Variants in RIBC2 observed in about 807,000 individuals in gnomAD.
The protein encoded by RIBC2 is RIB43A domain with coiled-coils 2, also known as RIB43A-like with coiled-coils protein 2.
In RIBC2, 40 loss-of-function variants were observed where a neutral mutation model predicts 44.3. That is an observed-to-expected ratio of 0.90 (90% CI 0.70 to 1.18). The LOEUF is 1.18. RIBC2 is among the 50% of genes most tolerant of loss of function. The pLI, the probability that RIBC2 is intolerant of heterozygous loss-of-function variation, is 0.00. For missense variants in RIBC2, 459 were observed against 485.5 expected (o/e 0.95, Z 0.51); for synonymous variants, 171 against 175.0 (o/e 0.98, Z 0.18).
intron 3 of RIBC2, among the ~76,000 whole-genome samples, chr22:45,421,520 A>T (rs540162225): frequency 3.4e-4 from 13 of 37,698 alleles, no homozygotes; most frequent in African/African-American, 8.7e-4. Flanking sequence ...ATTATTAATA[A>T]TAATAATAGT....
chr22:45,424,512 T>C (rs1415852608), intron 4 of RIBC2, among the ~76,000 whole-genome samples: 2 of 152,238 alleles, frequency 1.3e-5, no homozygotes, highest in East Asian at 1.9e-4. Context: ...TAACCCTTGC[T>C]GGGATAAGAA....
At chr22:45,431,489 CAAG>C (rs769645525) in intron 6 of RIBC2, among the ~76,000 whole-genome samples, 5 of 152,326 alleles carry the variant, frequency 3.3e-5, no homozygotes, top group African/African-American at 9.6e-5. Flanking sequence ...GCTCCAGCTA[CAAG>C]AAGATGTCAA....
chr22:45,425,476 C>T (rs1248710719), intron 4 of RIBC2, among the ~76,000 whole-genome samples: 2 of 152,188 alleles, frequency 1.3e-5, no homozygotes, highest in African/African-American at 4.8e-5. Flanking sequence ...GAAATGAGAC[C>T]TGGAATTACT....
intron 4 of RIBC2, among the ~76,000 whole-genome samples, chr22:45,423,267 GC>G (rs57537499): frequency 0.11 from 16,690 of 151,988 alleles, 949 homozygotes; most frequent in South Asian, 0.19. Flanking sequence ...ACCACATCTG[GC>G]CCTCTTTTCG....
chr22:45,419,947 A>AC (rs928005370), intron 3 of RIBC2, among the ~76,000 whole-genome samples: 32 of 152,142 alleles, frequency 2.1e-4, no homozygotes, highest in African/African-American at 7.7e-4. Flanking sequence ...AATGGCGTGA[A>AC]CCCGGGAGGC....
chr22:45,418,935 C>T (rs1358488938), intron 3 of RIBC2, among the ~76,000 whole-genome samples: 3 of 152,186 alleles, frequency 2.0e-5, no homozygotes, highest in African/African-American at 7.2e-5. Context: ...CGGTTTTTGA[C>T]CTTCATCTGG....
At chr22:45,419,957 C>T (rs925404603) in intron 3 of RIBC2, among the ~76,000 whole-genome samples, 9 of 152,112 alleles carry the variant, frequency 5.9e-5, no homozygotes, top group Non-Finnish European at 1.0e-4. Flanking sequence ...ACCCGGGAGG[C>T]GGAGCTTGCA....
intron 5 of RIBC2, among the ~76,000 whole-genome samples, chr22:45,427,218 C>T (rs1445695948): frequency 6.6e-6 from 1 of 152,182 alleles, no homozygotes; most frequent in Non-Finnish European, 1.5e-5. Context: ...GGAAAACAGT[C>T]CAGGGCTGGT....
intron 5 of RIBC2, among the ~76,000 whole-genome samples, chr22:45,429,094 G>A (rs2087557307): frequency 6.6e-6 from 1 of 152,230 alleles, no homozygotes; most frequent in Non-Finnish European, 1.5e-5. Context: ...AGAGAGAGTG[G>A]AAGAGACAGG....
chr22:45,415,698 T>G (rs1038013333), intron 2 of RIBC2, among the ~76,000 whole-genome samples: 2 of 146,236 alleles, frequency 1.4e-5, no homozygotes, highest in Non-Finnish European at 2.9e-5. Context: ...ATTCCCATGC[T>G]TTTTTTTCTA....
At chr22:45,414,276 A>G (rs1200975320) in intron 1 of RIBC2, 46 bp from the exon 2 acceptor site, 2 of 1,523,986 alleles carry the variant, frequency 1.3e-6, no homozygotes, top group Admixed American at 4.7e-5. Context: ...ATTACTGAAT[A>G]AAATGATCTG....
At chr22:45,418,005 A>ATT in intron 3 of RIBC2, 59 bp downstream of exon 3, 2 of 871,942 alleles carry the variant, frequency 2.3e-6, no homozygotes, top group Non-Finnish European at 1.6e-6. Flanking sequence ...CCAACCCTAC[A>ATT]GTTTTTTTTT....
At position 45,414,037 on chromosome 22, in the gene RIBC2, C is replaced by G. The variant is rs569136519; in HGVS notation, c.129+22C>G. On this transcript the variant is annotated intron_variant, in intron 1 of 6. Transcript: ENST00000614167. The stretch of plus-strand genomic sequence containing the variant: ...TGGGGTGAAAGGGCAGGGGCCGGGA[C>G]GGGGTTAGAGCGGCAGATGCGGGCG... 19 of 1,550,670 alleles carry G rather than the reference C, an allele frequency of 1.2e-5. No individual in the cohort carries two copies. The South Asian group carries it at 1.3e-4, about 11-fold the overall frequency.
In RIBC2 at chr22:45,417,848, TC is replaced by T; in HGVS notation, c.460del (p.His154MetfsTer65). 1.2e-6 allele frequency: 2 copies of T among 1,614,084 alleles called. No homozygotes were observed. Among genetic ancestry groups the T allele is most frequent in the Non-Finnish European group, 1.7e-6 (2 of 1,180,006 alleles). On this transcript the variant is annotated frameshift_variant, in exon 3 of 7. Coordinates refer to ENST00000614167, the MANE Select transcript of RIBC2 (RefSeq NM_015653.5). LOFTEE classifies it high-confidence loss of function. ...MQKFMGEDLN[F>X]HERKKFQEEQ... is the part of the protein sequence containing the mutation. ...AAATTCATGGGAGAGGATTTAAACT[TC>T]CATGAGAGGAAGAAATTCCAAGAGG... is the stretch of plus-strand genomic sequence containing the variant.
chr22:45,425,230 C>T (rs2087523558), intron 4 of RIBC2, among the ~76,000 whole-genome samples: 1 of 152,208 alleles, frequency 6.6e-6, no homozygotes, highest in Non-Finnish European at 1.5e-5. Context: ...GAAGTTGGGC[C>T]TGTCTAACTA....
rs551459071 is a variant in RIBC2, at chr22:45,417,637, A to G, written c.247A>G (p.Ile83Val). The G allele has an allele frequency of 1.1e-5, 18 of 1,613,744 alleles. No individual in the cohort carries two copies. In the South Asian group the frequency reaches 1.9e-4, roughly 17 times the overall value. ...EMRQNDKIMC[I>V]LENRKKRDRK... ...GAGGCAAAATGACAAAATCATGTGCATATTGGAAAACCGGAAAAAGAGGGA... is the reference window on the plus strand; with the variant it reads ...GAGGCAAAATGACAAAATCATGTGCGTATTGGAAAACCGGAAAAAGAGGGA... Residue 83 changes from isoleucine (I) to valine (V), a missense_variant, in exon 3 of 7, where the codon ATA becomes GTA. Physicochemically the swap from Ile to Val is conservative, Grantham distance 29. Coordinates refer to ENST00000614167, the MANE Select transcript of RIBC2 (RefSeq NM_015653.5).
chr22:45,414,410 A>G lies in RIBC2; in HGVS notation c.211+7A>G, dbSNP rs1405379408. ...GCTAGACATGAAACCTTTGGTGAGCATTTCCTGAATGCTTATCTATTGGTT... is the reference window on the plus strand; with the variant it reads ...GCTAGACATGAAACCTTTGGTGAGCGTTTCCTGAATGCTTATCTATTGGTT... On this transcript the variant is annotated splice_region_variant and intron_variant, in intron 2 of 6. Coordinates refer to ENST00000614167, the MANE Select transcript of RIBC2 (RefSeq NM_015653.5). The G allele has an allele frequency of 1.3e-6, 2 of 1,536,496 alleles. No homozygotes were observed. Among genetic ancestry groups the G allele is most frequent in the Non-Finnish European group, 1.8e-6 (2 of 1,134,426 alleles).
At chr22:45,417,185 G>A (rs1170119228) in intron 2 of RIBC2, among the ~76,000 whole-genome samples, 1 of 152,150 alleles carries the variant, frequency 6.6e-6, no homozygotes, top group South Asian at 2.1e-4. Context: ...ACAGGTGTGA[G>A]CCACCACACC....
chr22:45,425,907 G>C, intron 4 of RIBC2, 41 bp from the exon 5 acceptor site: 3 of 1,554,768 alleles, frequency 1.9e-6, no homozygotes, highest in Non-Finnish European at 2.6e-6. Context: ...ATGCCCCTGG[G>C]GTCACTCGGA....
Sources: gnomAD v4.1 joint callset for allele counts (sites outside exome capture counted in the v4.1 genomes callset) on GRCh38, gnomAD v4.1.1 for gene constraint, MANE v1.5 for transcripts, NCBI Gene and HGNC (gene_info 2026-07-23, HGNC 2026-07-21) for gene names.